The following TOGARAM2 variants were observed in gnomAD, a reference collection of about 807,000 sequenced individuals.
The protein encoded by TOGARAM2 is TOG array regulator of axonemal microtubules protein 2.
In TOGARAM2, 85 loss-of-function variants were observed where a neutral mutation model predicts 93.3. The ratio of observed to expected loss-of-function variants is 0.91; its 90% CI spans 0.76 to 1.09. TOGARAM2 has a LOEUF of 1.09. TOGARAM2 is among the 50% of genes least tolerant of loss of function. The pLI, the probability that TOGARAM2 is intolerant of heterozygous loss-of-function variation, is 0.00. For missense variants in TOGARAM2, 1,277 were observed against 1,334.5 expected (o/e 0.96, Z 0.67); for synonymous variants, 593 against 552.8 (o/e 1.07, Z -1.02).
chr2:29,033,570 C>G lies in TOGARAM2; in HGVS notation c.2225+7C>G. 1 of 1,611,118 alleles carries G rather than the reference C, an allele frequency of 6.2e-7. No individual in the cohort carries two copies. The highest frequency in any genetic ancestry group is 1.1e-5 in the South Asian group (1 of 90,228). ...GGCTGCCCATCAAGGAGGGGTATGG[C>G]TGCTCCTGTATCTCTGGGCTTCACA... On this transcript the variant is annotated splice_region_variant and intron_variant, in intron 16 of 19. Transcript: ENST00000379558.
At chr2:28,970,761 CTCTG>C (rs1671938491) in intron 1 of TOGARAM2, among the ~76,000 whole-genome samples, 1 of 152,240 alleles carries the variant, frequency 6.6e-6, no homozygotes, top group South Asian at 2.1e-4. Flanking sequence ...CCATGCATGT[CTCTG>C]TCTGACTGTG....
chr2:28,983,492 C>T (rs6745403), intron 1 of TOGARAM2, among the ~76,000 whole-genome samples: 14,049 of 151,932 alleles, frequency 0.092, 1,498 homozygotes, highest in East Asian at 0.61. Context: ...GTGGGGCAGT[C>T]GTTTGTTTCA....
In TOGARAM2 at chr2:29,036,526, C is replaced by T. The variant is rs1666120454; in HGVS notation, c.2419-15C>T. The T allele has an allele frequency of 6.2e-7, 1 of 1,613,552 alleles. No individual in the cohort carries two copies. The highest frequency in any genetic ancestry group is 8.5e-7 in the Non-Finnish European group (1 of 1,179,730). ...CTGGGTTCCCATGGGCTCTTGGTTT[C>T]TGTTTCTTCAATAGGTCTTTGATGC... On this transcript the variant is annotated splice_polypyrimidine_tract_variant and intron_variant, in intron 17 of 19. Transcript: ENST00000379558.
intron 2 of TOGARAM2, among the ~76,000 whole-genome samples, chr2:28,995,242 T>C (rs1205906008): frequency 6.6e-6 from 1 of 152,070 alleles, no homozygotes; most frequent in East Asian, 1.9e-4. Flanking sequence ...GCCAACCAAG[T>C]GGGGTAGTGG....
At chr2:28,973,666 G>A (rs1406117442) in intron 1 of TOGARAM2, among the ~76,000 whole-genome samples, 1 of 151,894 alleles carries the variant, frequency 6.6e-6, no homozygotes. Context: ...GCGACCAAAG[G>A]CATGCATCAC....
chr2:28,987,887 G>A (rs1168186284), intron 1 of TOGARAM2, among the ~76,000 whole-genome samples: 2 of 152,252 alleles, frequency 1.3e-5, no homozygotes. Context: ...GTCACAGCTG[G>A]AGTCAGGGGC....
intron 18 of TOGARAM2, among the ~76,000 whole-genome samples, chr2:29,038,336 T>G (rs1411017205): frequency 6.6e-6 from 1 of 152,128 alleles, no homozygotes; most frequent in Non-Finnish European, 1.5e-5. Flanking sequence ...AAGGGTTGGC[T>G]CTCTTCCTCT....
chr2:28,981,114 G>A (rs1350000328), upstream of TOGARAM2, among the ~76,000 whole-genome samples: 1 of 152,236 alleles, frequency 6.6e-6, no homozygotes, highest in East Asian at 1.9e-4. Context: ...CACCAGGCAG[G>A]GGGGCCCAGT....
chr2:28,977,844 G>C (rs1030545358), upstream of TOGARAM2, among the ~76,000 whole-genome samples: 4 of 152,148 alleles, frequency 2.6e-5, no homozygotes, highest in Non-Finnish European at 5.9e-5. Flanking sequence ...AGTCAGTAAG[G>C]ACTCCCCTTG....
At chr2:29,042,356 C>A (rs1194368700) in intron 18 of TOGARAM2, among the ~76,000 whole-genome samples, 4 of 152,224 alleles carry the variant, frequency 2.6e-5, no homozygotes, top group East Asian at 1.9e-4. Context: ...TGGCACAGGT[C>A]TCTGCTGGAT....
At chr2:29,041,229 G>A (rs1322986822) in intron 18 of TOGARAM2, among the ~76,000 whole-genome samples, 1 of 152,030 alleles carries the variant, frequency 6.6e-6, no homozygotes, top group African/African-American at 2.4e-5. Flanking sequence ...TCACCATGTT[G>A]GCCAGGCTAG....
chr2:29,027,717 G>C (rs1665496616), intron 14 of TOGARAM2, among the ~76,000 whole-genome samples: 1 of 152,170 alleles, frequency 6.6e-6, no homozygotes, highest in Admixed American at 6.5e-5. Flanking sequence ...GGAGTTGGTG[G>C]GGGGGCTGCT....
At chr2:29,006,160 T>C (rs1663798469) in intron 6 of TOGARAM2, among the ~76,000 whole-genome samples, 1 of 143,842 alleles carries the variant, frequency 7.0e-6, no homozygotes, top group Non-Finnish European at 1.5e-5. Context: ...CGTAAGTACA[T>C]GTGTGAGCAT....
intron 4 of TOGARAM2, among the ~76,000 whole-genome samples, chr2:29,000,084 A>G (rs1016334451): frequency 2.0e-5 from 3 of 152,052 alleles, no homozygotes; most frequent in Non-Finnish European, 2.9e-5. Flanking sequence ...ATAATGCCCT[A>G]TCATTTTTTT....
At chr2:29,001,484 C>T (rs560278829) in intron 4 of TOGARAM2, among the ~76,000 whole-genome samples, 9 of 151,780 alleles carry the variant, frequency 5.9e-5, no homozygotes, top group South Asian at 4.2e-4. Context: ...TACAGACAAC[C>T]ACCACTAGGC....
chr2:29,031,495 G>A (rs1470275005), intron 14 of TOGARAM2, among the ~76,000 whole-genome samples: 2 of 152,186 alleles, frequency 1.3e-5, no homozygotes, highest in East Asian at 1.9e-4. Context: ...GCTCTCTGGA[G>A]AATCATTGAG....
In TOGARAM2 at chr2:29,028,623, T is replaced by A. The variant is rs995335272; in HGVS notation, c.2012+1612T>A. Reference sequence around the variant, plus strand: ...TTACATGCGTGTTAGCCTTTATAATTAAAAAAAAAAGCCTCTCTGGCTGCC... The same window carrying A: ...TTACATGCGTGTTAGCCTTTATAATAAAAAAAAAAAGCCTCTCTGGCTGCC... On this transcript the variant is annotated intron_variant, in intron 14 of 19. Transcript: ENST00000379558. 2.2e-4 allele frequency among the ~76,000 whole-genome samples: 32 copies of A among 147,232 alleles called. No homozygotes were observed. In the South Asian group the frequency reaches 4.2e-3, roughly 19 times the overall value.
chr2:29,005,981 G>A (rs1663757952), intron 6 of TOGARAM2, among the ~76,000 whole-genome samples: 2 of 143,694 alleles, frequency 1.4e-5, no homozygotes, highest in Admixed American at 1.4e-4. Context: ...GAGACCGTAT[G>A]AGTGCATGTG....
At chr2:28,969,485 C>T (rs1172080426) in intron 1 of TOGARAM2, among the ~76,000 whole-genome samples, 1 of 152,120 alleles carries the variant, frequency 6.6e-6, no homozygotes, top group Non-Finnish European at 1.5e-5. Flanking sequence ...GACAGGAGGC[C>T]CAATGGGACT....
Sources: gnomAD v4.1 joint callset for allele counts (sites outside exome capture counted in the v4.1 genomes callset) on GRCh38, gnomAD v4.1.1 for gene constraint, MANE v1.5 for transcripts, NCBI Gene and HGNC (gene_info 2026-07-23, HGNC 2026-07-21) for gene names.